The following PLEKHA6 variants were observed in gnomAD, a reference collection of about 807,000 sequenced individuals.
PLEKHA6 encodes the protein pleckstrin homology domain-containing family A member 6.
A neutral mutation model predicts 116.7 loss-of-function variants in PLEKHA6; 60 were observed. The ratio of observed to expected loss-of-function variants is 0.51; its 90% confidence interval spans 0.42 to 0.64. The LOEUF is 0.64. PLEKHA6 is among the 30% of genes least tolerant of loss of function. The probability of loss-of-function intolerance (pLI) is 0.00; values close to 1 mark genes in which losing one functional copy is unlikely to be tolerated. For synonymous variants in PLEKHA6, 489 were observed against 556.1 expected (o/e 0.88, Z 1.70); for missense variants, 1,338 against 1,422.7 (o/e 0.94, Z 0.96).
At chr1:204,306,420 T>C (rs1453753221) in intron 1 of PLEKHA6, among the ~76,000 whole-genome samples, 1 of 152,042 alleles carries the variant, frequency 6.6e-6, no homozygotes. Context: ...ACCAATCACC[T>C]GTCTCGCCCA....
At chr1:204,307,874 G>A in intron 1 of PLEKHA6, 1 of 985,432 alleles carries the variant, frequency 1.0e-6, no homozygotes, top group Non-Finnish European at 1.2e-6. Flanking sequence ...AGGTGCTTAA[G>A]TGGCACTCAG....
chr1:204,279,578 A>G (rs548237109), intron 1 of PLEKHA6, among the ~76,000 whole-genome samples: 1 of 152,314 alleles, frequency 6.6e-6, no homozygotes, highest in Non-Finnish European at 1.5e-5. Flanking sequence ...ACCCAAATGG[A>G]CCTTTCAAAT....
At chr1:204,281,452 G>A (rs959895719) in intron 1 of PLEKHA6, among the ~76,000 whole-genome samples, 11 of 152,130 alleles carry the variant, frequency 7.2e-5, no homozygotes, top group African/African-American at 2.7e-4. Context: ...GTGAACCCAG[G>A]AGGTGGAGCT....
intron 1 of PLEKHA6, among the ~76,000 whole-genome samples, chr1:204,298,536 T>C (rs1045056989): frequency 5.9e-5 from 9 of 152,202 alleles, no homozygotes; most frequent in African/African-American, 1.7e-4. Flanking sequence ...TCAGTCAGAC[T>C]ACCCTGCTCC....
intron 1 of PLEKHA6, among the ~76,000 whole-genome samples, chr1:204,347,638 G>A (rs1673112982): frequency 6.6e-6 from 1 of 151,846 alleles, no homozygotes; most frequent in African/African-American, 2.4e-5. Context: ...AGAGATTGCA[G>A]TAAAGACAGG....
intron 1 of PLEKHA6, among the ~76,000 whole-genome samples, chr1:204,347,437 T>C (rs1202113320): frequency 6.6e-6 from 1 of 151,822 alleles, no homozygotes; most frequent in Non-Finnish European, 1.5e-5. Context: ...AGATTTCATA[T>C]TGTTTAAACA....
At chr1:204,298,051 G>A (rs952435022) in intron 1 of PLEKHA6, 1 of 217,032 alleles carries the variant, frequency 4.6e-6, no homozygotes, top group Non-Finnish European at 7.8e-6. Flanking sequence ...ATCTAGAGGA[G>A]TGCTCTTGGG....
At chr1:204,243,325 A>T (rs1663121438) in intron 15 of PLEKHA6, 2 of 399,638 alleles carry the variant, frequency 5.0e-6, no homozygotes, top group Non-Finnish European at 8.8e-6. Context: ...AGAGCAGGAG[A>T]AAAGAGCGTT....
intron 9 of PLEKHA6, chr1:204,251,599 C>G (rs755026114): frequency 1.4e-6 from 1 of 702,782 alleles, no homozygotes; most frequent in East Asian, 2.7e-5. Context: ...ATGAGAGTCT[C>G]GCTCTCACTC....
At chr1:204,280,234 C>T (rs1329588956) in intron 1 of PLEKHA6, 1 of 852,390 alleles carries the variant, frequency 1.2e-6, no homozygotes, top group East Asian at 1.2e-4. Context: ...TGCATTGCTT[C>T]ATCTCCAAAC....
chr1:204,243,306 G>GC (rs1270618398), intron 15 of PLEKHA6: 2 of 399,636 alleles, frequency 5.0e-6, no homozygotes, highest in African/African-American at 4.1e-5. Context: ...AACAAGAGCA[G>GC]CCACTGTGAG....
intron 1 of PLEKHA6, among the ~76,000 whole-genome samples, chr1:204,357,262 T>C (rs1673440669): frequency 6.6e-6 from 1 of 152,172 alleles, no homozygotes; most frequent in Non-Finnish European, 1.5e-5. Context: ...GTGAGGCTGC[T>C]GCTTCTGTCA....
chr1:204,245,979 A>G (rs1450157045), intron 13 of PLEKHA6, among the ~76,000 whole-genome samples: 1 of 151,944 alleles, frequency 6.6e-6, no homozygotes, highest in Non-Finnish European at 1.5e-5. Context: ...AAGACTGAGG[A>G]CGCACCCTTC....
In PLEKHA6 at chr1:204,246,838, GTC is replaced by G. The variant is rs1387141620; in HGVS notation, c.1920+525_1920+526del. On this transcript the variant is annotated intron_variant, in intron 13 of 22. Transcript: ENST00000272203. ...ATGCCTGAGTTATTTATATTTACAC[GTC>G]TGTTTTTAAATCCTGCTGGGCACAG... Among the ~76,000 whole-genome samples, 117 of 152,280 alleles carry G rather than the reference GTC, an allele frequency of 7.7e-4. 1 individual carries two copies. The highest frequency in any genetic ancestry group is 2.9e-5 in the Non-Finnish European group (2 of 68,026).
At chr1:204,319,996 C>G (rs1672000123) in intron 1 of PLEKHA6, among the ~76,000 whole-genome samples, 1 of 152,114 alleles carries the variant, frequency 6.6e-6, no homozygotes, top group Non-Finnish European at 1.5e-5. Context: ...AACAGGCTGC[C>G]CTACTAGAGT....
At position 204,228,793 on chromosome 1, in the gene PLEKHA6, G is replaced by A; in HGVS notation, c.2820C>T (p.Ser940=). ...YIDLEPDTPL[S]PEELKEKQKK... ...TCTGCTTCTCCTTCAACTCCTCAGG[G>A]CTCAGGGGAGTGTCAGGCTCCAGGT... Residue 940 remains serine, a synonymous_variant, in exon 20 of 23, where the codon AGC becomes AGT. Transcript: ENST00000272203. This position sits in a 1 kb window ranked among gnomAD's most constrained non-coding sequence, Gnocchi z 4.0. The A allele has an allele frequency of 1.2e-6, 2 of 1,613,802 alleles. No individual in the cohort carries two copies. Among genetic ancestry groups the A allele is most frequent in the African/African-American group, 1.3e-5 (1 of 74,996 alleles).
intron 21 of PLEKHA6, among the ~76,000 whole-genome samples, chr1:204,227,577 G>T (rs991090707): frequency 2.0e-5 from 3 of 152,152 alleles, no homozygotes; most frequent in African/African-American, 7.2e-5. Flanking sequence ...AAGTGAGTTG[G>T]ATCAGTAGCC....
chr1:204,311,478 C>T (rs947031351), intron 1 of PLEKHA6: 8 of 343,626 alleles, frequency 2.3e-5, no homozygotes, highest in African/African-American at 6.7e-5. Context: ...GCAACAAGAG[C>T]GAAACTCTGT....
chr1:204,341,745 T>G (rs1412084058), intron 1 of PLEKHA6, among the ~76,000 whole-genome samples: 1 of 152,116 alleles, frequency 6.6e-6, no homozygotes, highest in African/African-American at 2.4e-5. Flanking sequence ...TAGCCTAATA[T>G]TAACCAAAAA....
Sources: gnomAD v4.1 joint callset for allele counts (sites outside exome capture counted in the v4.1 genomes callset) on GRCh38, gnomAD v4.1.1 for gene constraint, Gnocchi (gnomAD v3.1) non-coding constraint, MANE v1.5 for transcripts, NCBI Gene and HGNC (gene_info 2026-07-23, HGNC 2026-07-21) for gene names.